TRIP11: variants seen among roughly 807,000 people sequenced by gnomAD.
TRIP11 encodes the protein thyroid hormone receptor interactor 11, also known as thyroid receptor-interacting protein 11.
In TRIP11, 148 loss-of-function variants were observed where a neutral mutation model predicts 223.1. That is an observed-to-expected ratio of 0.66 (90% confidence interval 0.58 to 0.76). The LOEUF is 0.76. Ranked by LOEUF, TRIP11 falls within the 30% of genes least tolerant of loss-of-function variation. The pLI is 0.00. For synonymous variants in TRIP11, 762 were observed against 772.6 expected, an observed-to-expected ratio of 0.99 and a Z score of 0.23; for missense variants, 2,043 against 2,222.0, an observed-to-expected ratio of 0.92 and a Z score of 1.62.
At position 91,975,157 on chromosome 14, in the gene TRIP11, TC is replaced by T. The variant is rs757104635; in HGVS notation, c.5457+14del. ...GATTATGAATGTGTTCAGATGGCTT[TC>T]ATCGTCCAGTCACCTGCTCCATCTC... On this transcript the variant is annotated intron_variant, in intron 18 of 20. Transcript: ENST00000267622. The T allele has an allele frequency of 1.2e-6, 2 of 1,604,858 alleles. No individual in the cohort carries two copies. Among genetic ancestry groups the T allele is most frequent in the Non-Finnish European group, 1.7e-6 (2 of 1,171,782 alleles).
Position 91,993,857 on chromosome 14 carries a change from T to C in TRIP11, c.5112A>G (p.Glu1704=), listed in dbSNP as rs2056713292. 6.2e-7 allele frequency: 1 copy of C among 1,613,754 alleles called. No homozygotes were observed. The highest frequency in any genetic ancestry group is 8.5e-7 in the Non-Finnish European group (1 of 1,179,968). Residue 1704 remains glutamate, a synonymous_variant, in exon 15 of 21, where the codon GAA becomes GAG. Transcript: ENST00000267622. ...ELEKQKQLIA[E]WKKNAENLEG... ...CCAGATTTTCTGCGTTTTTCTTCCATTCAGCTATAAGCTGTTTTTGCTTTT... is the reference window on the plus strand; with the variant it reads ...CCAGATTTTCTGCGTTTTTCTTCCACTCAGCTATAAGCTGTTTTTGCTTTT...
chr14:92,004,834 G>T lies in TRIP11; in HGVS notation c.3142C>A (p.Gln1048Lys), dbSNP rs779803910. ...KNISLTKQID[Q>K]LSKDEVGKLT... The stretch of plus-strand genomic sequence containing the variant: ...TTACCAACTTCATCTTTGGACAACT[G>T]ATCAATCTGTTTAGTTAAAGATATA... The change falls in exon 11 of 21, where the codon CAG becomes AAG. Residue 1048 changes from glutamine to lysine, a missense_variant. Physicochemically the swap from Gln to Lys is moderately conservative, Grantham distance 53. Coordinates refer to ENST00000267622, the MANE Select transcript of TRIP11 (RefSeq NM_004239.4). The T allele has an allele frequency of 3.7e-6, 6 of 1,613,824 alleles. No homozygotes were observed. In the East Asian group the frequency reaches 6.7e-5, roughly 18 times the overall value.
chr14:91,969,906 A>C lies in TRIP11; in HGVS notation c.5720-13T>G, dbSNP rs772528145. 5 of 1,609,804 alleles carry C rather than the reference A, an allele frequency of 3.1e-6. No individual in the cohort carries two copies. The stretch of plus-strand genomic sequence containing the variant: ...GATTCTGCTGTATCTAAAGAATAAA[A>C]TATGGATTTAGTCTCCTATCTTTCA... On this transcript the variant is annotated splice_polypyrimidine_tract_variant and intron_variant, in intron 20 of 20. Coordinates refer to ENST00000267622, the MANE Select transcript of TRIP11 (RefSeq NM_004239.4).
intron 18 of TRIP11, 114 bp downstream of exon 18, chr14:91,975,058 C>T (rs1165396658): frequency 2.2e-5 from 21 of 975,336 alleles, no homozygotes; most frequent in Non-Finnish European, 2.9e-5. Context: ...ATTCCATTTC[C>T]ACACTGAGAA....
At chr14:92,039,503 C>T (rs1376665448) in intron 1 of TRIP11, 44 bp downstream of exon 1, 20 of 1,608,342 alleles carry the variant, frequency 1.2e-5, no homozygotes, top group Non-Finnish European at 1.5e-5. Context: ...CGGACGTTCC[C>T]AGGGTCTTAG....
chr14:92,015,609 G>C, intron 6 of TRIP11, 87 bp downstream of exon 6: 1 of 1,170,820 alleles, frequency 8.5e-7, no homozygotes, highest in East Asian at 2.7e-5. Context: ...AGTGAGCCGA[G>C]ATCGCGCCAG....
rs1402943097 is a variant in TRIP11 at position 92,020,234 on chromosome 14, AGACT to A, written c.588+1318_588+1321del. 3.3e-5 allele frequency among the ~76,000 whole-genome samples: 5 copies of A among 152,140 alleles called. No individual in the cohort carries two copies. The East Asian group carries it at 7.7e-4, about 24-fold the overall frequency. On this transcript the variant is annotated intron_variant, in intron 4 of 20. Coordinates refer to ENST00000267622, the MANE Select transcript of TRIP11 (RefSeq NM_004239.4). ...GCCACTGCACTCCAGTTTGGGCAACAGACTGAGACTCTCTCTCAAAAAAAAAAAG... is the reference window on the plus strand; with the variant it reads ...GCCACTGCACTCCAGTTTGGGCAACAGAGACTCTCTCTCAAAAAAAAAAAG...
rs2057118807 is a variant in TRIP11 at position 92,021,799 on chromosome 14, A to T, written c.345T>A (p.Ile115=). Residue 115 remains isoleucine (I), a synonymous_variant, in exon 4 of 21, where the codon ATT becomes ATA. Coordinates refer to ENST00000267622, the MANE Select transcript of TRIP11 (RefSeq NM_004239.4). The stretch of plus-strand genomic sequence containing the variant: ...GTTTCAGCAACTGATCCTGGAGTGC[A>T]ATCTGTCTGGCTTTAAGATGGCTGA... ...VEISHLKARQ[I]ALQDQLLKLQ... 6.2e-7 allele frequency: 1 copy of T among 1,614,154 alleles called. No homozygotes were observed. The highest frequency in any genetic ancestry group is 2.2e-5 in the East Asian group (1 of 44,878).
At position 91,966,456 on chromosome 14, in the gene TRIP11, G is replaced by T. The variant is rs2056343208; in HGVS notation, c.*3217C>A. On this transcript the variant is annotated 3_prime_UTR_variant, in exon 21 of 21. Coordinates refer to ENST00000267622, the MANE Select transcript of TRIP11 (RefSeq NM_004239.4). ...AAATATCAGGTCCAAATGCTTTTAA[G>T]TTTGATGGATAATAGTGTTTTCTAA... 5.2e-6 allele frequency: 1 copy of T among 192,424 alleles called. No homozygotes were observed. Among genetic ancestry groups the T allele is most frequent in the African/African-American group, 2.3e-5 (1 of 43,074 alleles). The allele number at this position is 192,424 out of a possible 1,614,324, so 11.9% of individuals were successfully genotyped here. A position where few individuals can be genotyped will look rare whatever the true frequency, so the allele number is the denominator to read the frequency against.
At position 92,005,972 on chromosome 14, in the gene TRIP11, T is replaced by G. The variant is rs762335316; in HGVS notation, c.2004A>C (p.Leu668Phe). 6.2e-7 allele frequency: 1 copy of G among 1,612,454 alleles called. No homozygotes were observed. Among genetic ancestry groups the G allele is most frequent in the African/African-American group, 1.3e-5 (1 of 74,908 alleles). The change falls in exon 11 of 21, where the codon TTA (leucine) becomes TTC (phenylalanine). Residue 668 changes from leucine to phenylalanine, a missense_variant. Physicochemically the swap from Leu to Phe is conservative, Grantham distance 22. Coordinates refer to ENST00000267622, the MANE Select transcript of TRIP11 (RefSeq NM_004239.4). ...LSELEQLNEN[L>F]KKVAFDVKME... ...TTTTGACATCAAAAGCAACTTTCTT[T>G]AAATTTTCATTGAGCTGTTCTAATT...
At chr14:91,994,849 C>T (rs1001327004) in intron 14 of TRIP11, among the ~76,000 whole-genome samples, 6 of 152,152 alleles carry the variant, frequency 3.9e-5, no homozygotes, top group Non-Finnish European at 8.8e-5. Context: ...AAAAAAGCAC[C>T]TTCCATATGG....
chr14:91,994,012 A>G lies in TRIP11; in HGVS notation c.5057-100T>C, dbSNP rs914061449. On this transcript the variant is annotated intron_variant, in intron 14 of 20. Transcript: ENST00000267622. ...TTAATAATCCAACGAAAACAGTTCA[A>G]ATGTCTCAAACAGAAAAGAATATAT... The G allele has an allele frequency of 2.5e-5, 22 of 866,280 alleles. No homozygotes were observed. In the South Asian group the frequency reaches 3.2e-4, roughly 12 times the overall value. 53.7% of individuals were successfully genotyped at this position (866,280 alleles called of 1,614,324 possible).
chr14:92,038,039 T>C lies in TRIP11; in HGVS notation c.139+1508A>G, dbSNP rs543135558. Among the ~76,000 whole-genome samples, 9 of 152,194 alleles carry C rather than the reference T, an allele frequency of 5.9e-5. No homozygotes were observed. The South Asian group carries it at 1.9e-3, about 32-fold the overall frequency. ...GTCCCTGGGAAAGATTATAGGGATC[T>C]AAAGAATAAGGAGTAATAAAGCAAA... On this transcript the variant is annotated intron_variant, in intron 1 of 20. Transcript: ENST00000267622.
chr14:91,995,382 G>A lies in TRIP11; in HGVS notation c.5026C>T (p.Leu1676=), dbSNP rs545644740. ...TGGAAATGCTCTAGTACCATCTGCA[G>A]GTTGGCCAGTGACAGAGCATACTGC... ...VKQYALSLAN[L]QMVLEHFQQE... Residue 1676 remains leucine (L), a synonymous_variant, in exon 14 of 21, where the codon CTG becomes TTG. Coordinates refer to ENST00000267622, the MANE Select transcript of TRIP11 (RefSeq NM_004239.4). 6 of 1,613,940 alleles carry A rather than the reference G, an allele frequency of 3.7e-6. No homozygotes were observed. The African/African-American group carries it at 8.0e-5, about 22-fold the overall frequency.
At chr14:91,989,581 A>T (rs1352687737) in intron 15 of TRIP11, among the ~76,000 whole-genome samples, 1 of 150,624 alleles carries the variant, frequency 6.6e-6, no homozygotes, top group African/African-American at 2.4e-5. Context: ...GCTATTCTCA[A>T]GTATTCTCCC....
chr14:92,007,585 G>A (rs2056921374), intron 10 of TRIP11, 55 bp downstream of exon 10: 2 of 1,555,834 alleles, frequency 1.3e-6, no homozygotes, highest in South Asian at 1.1e-5. Context: ...CACCATTTCT[G>A]TGTTTAGTTT....
At position 92,005,152 on chromosome 14, in the gene TRIP11, C is replaced by G. The variant is rs1201067224; in HGVS notation, c.2824G>C (p.Glu942Gln). The G allele has an allele frequency of 6.2e-7, 1 of 1,613,544 alleles. No homozygotes were observed. The highest frequency in any genetic ancestry group is 1.3e-5 in the African/African-American group (1 of 74,902). Residue 942 changes from glutamate to glutamine, a missense_variant, in exon 11 of 21, where the codon GAG becomes CAG. Coordinates refer to ENST00000267622, the MANE Select transcript of TRIP11 (RefSeq NM_004239.4). ...ATTTGCTCATGCTGGTATCTAAACTCATCCATTTCCTTCTTTTGCTCTTGT... is the reference window on the plus strand; with the variant it reads ...ATTTGCTCATGCTGGTATCTAAACTGATCCATTTCCTTCTTTTGCTCTTGT... ...SLQEQKKEMD[E>Q]FRYQHEQMNA... is the part of the protein sequence containing the mutation.
chr14:92,027,844 G>C (rs1231530395), intron 2 of TRIP11, among the ~76,000 whole-genome samples: 1 of 152,170 alleles, frequency 6.6e-6, no homozygotes, highest in Admixed American at 6.5e-5. Flanking sequence ...AATGATCCAG[G>C]AAGATTACAT....
intron 13 of TRIP11, among the ~76,000 whole-genome samples, chr14:91,997,253 G>C (rs1478374497): frequency 6.6e-6 from 1 of 152,012 alleles, no homozygotes; most frequent in East Asian, 1.9e-4. Context: ...ACCATAATCC[G>C]GTTTGTAGAT....
Sources: allele counts gnomAD v4.1 joint callset (sites outside exome capture counted in the v4.1 genomes callset), GRCh38; gene constraint gnomAD v4.1.1; transcripts MANE v1.5; gene names NCBI Gene and HGNC (gene_info 2026-07-23, HGNC 2026-07-21).